Variants in LRCH1 observed in about 807,000 individuals in gnomAD.
LRCH1 encodes the protein leucine rich repeats and calponin homology domain containing 1, also known as leucine-rich repeat and calponin homology domain-containing protein 1.
Under a neutral mutation model 94.9 loss-of-function variants are expected in LRCH1, and 23 were observed. The observed-to-expected ratio is 0.24, with a 90% CI of 0.17 to 0.34. The LOEUF (loss-of-function observed/expected upper bound fraction) is 0.34, where lower values mean the gene tolerates loss of function less well. Among genes scored for constraint, LRCH1 ranks in the 10% least tolerant of loss-of-function variants. The pLI, the probability that LRCH1 is intolerant of heterozygous loss-of-function variation, is 1.00. For synonymous variants in LRCH1, 364 were observed against 354.9 expected, an observed-to-expected ratio of 1.03 and a Z score of -0.29; for missense variants, 790 against 945.9, an observed-to-expected ratio of 0.84 and a Z score of 2.16.
intron 1 of LRCH1, among the ~76,000 whole-genome samples, chr13:46,638,085 A>C (rs1161713010): frequency 6.6e-6 from 1 of 152,218 alleles, no homozygotes; most frequent in Admixed American, 6.5e-5. Flanking sequence ...TCCAAGAAGG[A>C]TGTATAGATG....
intron 2 of LRCH1, among the ~76,000 whole-genome samples, chr13:46,660,562 G>T (rs2051434992): frequency 6.6e-6 from 1 of 152,194 alleles, no homozygotes; most frequent in African/African-American, 2.4e-5. Flanking sequence ...CTTGGACAGA[G>T]CAGGAACTCA....
chr13:46,687,813 A>C (rs549888620), intron 5 of LRCH1, 39 bp from the exon 6 acceptor site: 1 of 1,578,528 alleles, frequency 6.3e-7, no homozygotes. Context: ...TTGTTTTGTC[A>C]TTGAAAAATG....
chr13:46,650,164 A>T (rs1453288797), intron 1 of LRCH1, 37 bp from the exon 2 acceptor site: 1 of 1,517,356 alleles, frequency 6.6e-7, no homozygotes, highest in Non-Finnish European at 9.1e-7. Context: ...ATTTTGTTCA[A>T]ATTTTGTTGA....
intron 1 of LRCH1, among the ~76,000 whole-genome samples, chr13:46,592,879 T>G (rs1406926595): frequency 6.6e-6 from 1 of 152,152 alleles, no homozygotes; most frequent in African/African-American, 2.4e-5. Context: ...AAAATCAATA[T>G]AGACCATGAT....
At chr13:46,655,240 G>C (rs764939544) in intron 2 of LRCH1, among the ~76,000 whole-genome samples, 1 of 152,118 alleles carries the variant, frequency 6.6e-6, no homozygotes, top group East Asian at 1.9e-4. Context: ...ATGTCAAAAG[G>C]CTGCTTGTTG....
intron 1 of LRCH1, among the ~76,000 whole-genome samples, chr13:46,570,128 A>G (rs1406263603): frequency 6.6e-6 from 1 of 152,168 alleles, no homozygotes; most frequent in East Asian, 1.9e-4. Flanking sequence ...TCCCAGAGCA[A>G]TCTTGGGAGG....
chr13:46,646,481 A>G (rs888589193), intron 1 of LRCH1, among the ~76,000 whole-genome samples: 16 of 152,210 alleles, frequency 1.1e-4, no homozygotes, highest in Non-Finnish European at 2.4e-4. Flanking sequence ...TCCAGACACA[A>G]TCTACTTATA....
chr13:46,750,878 G>GA, exon 19 of LRCH1: 2 of 386,236 alleles, frequency 5.2e-6, no homozygotes, highest in Non-Finnish European at 9.3e-6. Flanking sequence ...GGGAGCTGGA[G>GA]GAAAAAAAAA....
At chr13:46,627,431 T>C (rs892558219) in intron 1 of LRCH1, among the ~76,000 whole-genome samples, 13 of 149,678 alleles carry the variant, frequency 8.7e-5, no homozygotes, top group African/African-American at 3.2e-4. Context: ...TTTGGCCAGA[T>C]TTTAATTTGA....
chr13:46,746,313 C>T (rs1384501583), downstream of LRCH1, among the ~76,000 whole-genome samples: 2 of 152,074 alleles, frequency 1.3e-5, no homozygotes, highest in Non-Finnish European at 2.9e-5. Flanking sequence ...AGGAGGTAGC[C>T]CAGAAGTTTT....
rs916097826 is a variant in LRCH1, at chr13:46,712,413, G to A, written c.1582-112G>A. 67 of 779,508 alleles carry A rather than the reference G, an allele frequency of 8.6e-5. 1 individual carries two copies. Among genetic ancestry groups the A allele is most frequent in the Middle Eastern group, 7.1e-4 (3 of 4,204 alleles). The allele number at this position is 779,508 out of a possible 1,614,324, so 48.3% of individuals were successfully genotyped here. A position where few individuals can be genotyped will look rare whatever the true frequency, so the allele number is the denominator to read the frequency against. ...GGCCAGGACTTCATCACACAGCAGC[G>A]AATGCAAAAAGGGAGTAGTTTTGTT... On this transcript the variant is annotated intron_variant, in intron 14 of 19. Transcript: ENST00000389797.
At chr13:46,626,020 G>A (rs1467506670) in intron 1 of LRCH1, among the ~76,000 whole-genome samples, 1 of 152,170 alleles carries the variant, frequency 6.6e-6, no homozygotes, top group East Asian at 1.9e-4. Context: ...TAATCTATGG[G>A]TCTTATATTC....
At chr13:46,623,200 C>T (rs1005618124) in intron 1 of LRCH1, among the ~76,000 whole-genome samples, 2 of 152,016 alleles carry the variant, frequency 1.3e-5, no homozygotes, top group Non-Finnish European at 2.9e-5. Flanking sequence ...GTGTTTAGTG[C>T]AATCCTGCCT....
At chr13:46,599,549 G>A (rs553302908) in intron 1 of LRCH1, among the ~76,000 whole-genome samples, 2 of 152,216 alleles carry the variant, frequency 1.3e-5, no homozygotes, top group South Asian at 4.1e-4. Context: ...TGATAATTAT[G>A]ACTAAATAAT....
intron 6 of LRCH1, among the ~76,000 whole-genome samples, 184 bp from the exon 7 acceptor site, chr13:46,688,949 G>C (rs1005390700): frequency 2.0e-5 from 3 of 152,130 alleles, no homozygotes; most frequent in African/African-American, 7.2e-5. Flanking sequence ...CTGTGCTACT[G>C]TCTGATTTTC....
rs1177682699 is a variant in LRCH1 at position 46,744,460 on chromosome 13, C to A, written c.*2612C>A. On this transcript the variant is annotated 3_prime_UTR_variant, in exon 20 of 20. Transcript: ENST00000389797. ...AAATTTGTGACACCTAATTTCTAAT[C>A]ATCTTTCCTATTTATGGATTTCTGG... is the stretch of plus-strand genomic sequence containing the variant. 21 of 985,268 alleles carry A rather than the reference C, an allele frequency of 2.1e-5. No homozygotes were observed. The highest frequency in any genetic ancestry group is 2.2e-5 in the Non-Finnish European group (18 of 829,914). 61.0% of individuals were successfully genotyped at this position (985,268 alleles called of 1,614,324 possible).
intron 1 of LRCH1, among the ~76,000 whole-genome samples, chr13:46,639,031 T>G (rs927969042): frequency 1.3e-5 from 2 of 152,198 alleles, no homozygotes; most frequent in African/African-American, 4.8e-5. Flanking sequence ...CAAAGAAAAA[T>G]CCTGGAAAAA....
At position 46,742,399 on chromosome 13, in the gene LRCH1, C is replaced by T. The variant is rs1873710252; in HGVS notation, c.*551C>T. 5.1e-6 allele frequency: 5 copies of T among 988,680 alleles called. No homozygotes were observed. The highest frequency in any genetic ancestry group is 4.6e-5 in the South Asian group (1 of 21,530). The allele number at this position is 988,680 out of a possible 1,614,324, so 61.2% of individuals were successfully genotyped here. Reference sequence around the variant, plus strand: ...TGACCAAGTTGGACGTGTACACGTACTCACACTGCCTTGATGGCCATTCGA... The same window carrying T: ...TGACCAAGTTGGACGTGTACACGTATTCACACTGCCTTGATGGCCATTCGA... On this transcript the variant is annotated 3_prime_UTR_variant, in exon 20 of 20. Coordinates refer to ENST00000389797, the MANE Select transcript of LRCH1 (RefSeq NM_001164211.2).
chr13:46,655,454 C>T (rs989890974), intron 2 of LRCH1, among the ~76,000 whole-genome samples: 3 of 152,180 alleles, frequency 2.0e-5, no homozygotes, highest in Non-Finnish European at 4.4e-5. Context: ...TGCCTCTTGG[C>T]GTTCACAACA....
Sources: allele counts gnomAD v4.1 joint callset (sites outside exome capture counted in the v4.1 genomes callset), GRCh38; gene constraint gnomAD v4.1.1; transcripts MANE v1.5; gene names NCBI Gene and HGNC (gene_info 2026-07-23, HGNC 2026-07-21).